The following TEKT1 variants were observed in gnomAD, a reference collection of about 807,000 sequenced individuals.
The protein encoded by TEKT1 is tektin-1.
A neutral mutation model predicts 34.8 loss-of-function variants in TEKT1; 32 were observed. The ratio of observed to expected loss-of-function variants is 0.92; its 90% CI spans 0.69 to 1.23. The LOEUF (loss-of-function observed/expected upper bound fraction) is 1.23. Among genes scored for constraint, TEKT1 ranks in the 50% most tolerant of loss-of-function variants. The pLI, the probability that TEKT1 is intolerant of heterozygous loss-of-function variation, is 0.00. For synonymous variants in TEKT1, 207 were observed against 199.8 expected (o/e 1.04, Z -0.30); for missense variants, 492 against 518.5 (o/e 0.95, Z 0.50).
intron 6 of TEKT1, among the ~76,000 whole-genome samples, chr17:6,810,833 G>T (rs2151584830): frequency 6.6e-6 from 1 of 152,250 alleles, no homozygotes; most frequent in Non-Finnish European, 1.5e-5. Flanking sequence ...CTGTCTCCCA[G>T]GTTCAAGCGA....
chr17:6,812,647 G>A (rs1369550839), intron 6 of TEKT1, among the ~76,000 whole-genome samples, 184 bp downstream of exon 6: 5 of 152,168 alleles, frequency 3.3e-5, no homozygotes, highest in African/African-American at 1.2e-4. Context: ...GCAAAGTCCC[G>A]CTCCAGTCCC....
At chr17:6,822,714 T>G (rs942180706) in intron 2 of TEKT1, among the ~76,000 whole-genome samples, 1 of 152,230 alleles carries the variant, frequency 6.6e-6, no homozygotes, top group African/African-American at 2.4e-5. Context: ...TGATAGTGTA[T>G]GTCTTCTTTT....
chr17:6,815,486 G>A (rs534007274), intron 4 of TEKT1, among the ~76,000 whole-genome samples, 180 bp from the exon 5 acceptor site: 4 of 151,226 alleles, frequency 2.6e-5, no homozygotes, highest in East Asian at 3.9e-4. Context: ...ACAAATCAAC[G>A]TAACCAAATG....
At chr17:6,827,009 T>C (rs1255084926) in intron 2 of TEKT1, among the ~76,000 whole-genome samples, 1 of 152,202 alleles carries the variant, frequency 6.6e-6, no homozygotes, top group Admixed American at 6.5e-5. Flanking sequence ...TATCATTTTT[T>C]ATATGAATAT....
intron 3 of TEKT1, among the ~76,000 whole-genome samples, chr17:6,816,995 G>A (rs1049440604): frequency 6.6e-5 from 10 of 151,034 alleles, no homozygotes; most frequent in Non-Finnish European, 1.2e-4. Flanking sequence ...CCCAAGAAGA[G>A]GAAAGTTTTA....
At chr17:6,829,059 G>A (rs1567682984) in intron 2 of TEKT1, among the ~76,000 whole-genome samples, 1 of 152,180 alleles carries the variant, frequency 6.6e-6, no homozygotes. Flanking sequence ...GCTGAGGCAG[G>A]AGAAGCGCTC....
At chr17:6,823,753 C>A (rs893870276) in intron 2 of TEKT1, among the ~76,000 whole-genome samples, 8 of 150,370 alleles carry the variant, frequency 5.3e-5, no homozygotes, top group Non-Finnish European at 1.2e-4. Flanking sequence ...AGCTCTCAGT[C>A]TCTTAGACAT....
intron 6 of TEKT1, among the ~76,000 whole-genome samples, chr17:6,808,272 C>T (rs143619706): frequency 0.034 from 5,121 of 152,256 alleles, 121 homozygotes; most frequent in African/African-American, 0.055. Context: ...AAGCCATGTG[C>T]GGGATATAAT....
chr17:6,817,534 A>T (rs1254125520), intron 3 of TEKT1, among the ~76,000 whole-genome samples: 2 of 152,124 alleles, frequency 1.3e-5, no homozygotes, highest in Non-Finnish European at 2.9e-5. Flanking sequence ...TCAAGTACAG[A>T]TGGGGAAACT....
intron 6 of TEKT1, among the ~76,000 whole-genome samples, chr17:6,804,449 T>G (rs56101474): frequency 0.047 from 7,196 of 152,194 alleles, 229 homozygotes; most frequent in Admixed American, 0.064. Context: ...GAATACCCTT[T>G]ATTTCCTTCT....
intron 2 of TEKT1, among the ~76,000 whole-genome samples, chr17:6,823,815 CTTTTTTTTTTTT>C (rs33937600): frequency 2.6e-5 from 2 of 77,640 alleles, no homozygotes; most frequent in Admixed American, 1.8e-4. Flanking sequence ...AAACCTCATC[CTTTTTTTTTTTT>C]TTTTTTTTTT....
rs181552457 is a variant in TEKT1 at position 6,813,744 on chromosome 17, G to C, written c.630-691C>G. Reference sequence around the variant, plus strand: ...TGATAATGTTTTCTTTCTTGACCTGGTGGTGATATGAGGCTTTGTTCAGTT... The same window carrying C: ...TGATAATGTTTTCTTTCTTGACCTGCTGGTGATATGAGGCTTTGTTCAGTT... On this transcript the variant is annotated intron_variant, in intron 5 of 7. Transcript: ENST00000338694. Among the ~76,000 whole-genome samples, 675 of 152,168 alleles carry C rather than the reference G, an allele frequency of 4.4e-3. 1 individual carries two copies. The highest frequency in any genetic ancestry group is 6.3e-3 in the Admixed American group (97 of 15,292).
intron 2 of TEKT1, among the ~76,000 whole-genome samples, chr17:6,824,544 T>C (rs372683150): frequency 1.3e-5 from 2 of 152,330 alleles, no homozygotes; most frequent in African/African-American, 4.8e-5. Flanking sequence ...AATTCATTCA[T>C]AAATCCAACA....
rs1268806636 is a variant in TEKT1, at chr17:6,799,185, A to G, written c.*842T>C. 6.6e-6 allele frequency: 1 copy of G among 152,248 alleles called. No individual in the cohort carries two copies. The highest frequency in any genetic ancestry group is 1.5e-5 in the Non-Finnish European group (1 of 68,042). 9.4% of individuals were successfully genotyped at this position (152,248 alleles called of 1,614,324 possible). On this transcript the variant is annotated 3_prime_UTR_variant, in exon 8 of 8. Coordinates refer to ENST00000338694, the MANE Select transcript of TEKT1 (RefSeq NM_053285.2). ...AAGTTGAACTCTTTTTGGAAAAGAA[A>G]CAGTAAGTATATAAAACAGTCTTGC...
Position 6,811,239 on chromosome 17 carries a change from C to T in TEKT1, c.852+1592G>A, listed in dbSNP as rs1347998678. Among the ~76,000 whole-genome samples, 1 of 152,020 alleles carries T rather than the reference C, an allele frequency of 6.6e-6. No individual in the cohort carries two copies. The highest frequency in any genetic ancestry group is 2.4e-5 in the African/African-American group (1 of 41,392). ...ATTCCTTGGCTATCATCATCATCATCATCATCATCAATCAACTATTTTTAT... is the reference window on the plus strand; with the variant it reads ...ATTCCTTGGCTATCATCATCATCATTATCATCATCAATCAACTATTTTTAT... On this transcript the variant is annotated intron_variant, in intron 6 of 7. Coordinates refer to ENST00000338694, the MANE Select transcript of TEKT1 (RefSeq NM_053285.2). The surrounding 1 kb of genome is among the most constrained non-coding windows in gnomAD (Gnocchi z 4.4).
chr17:6,819,215 T>G lies in TEKT1; in HGVS notation c.334A>C (p.Thr112Pro). 1 of 1,613,718 alleles carries G rather than the reference T, an allele frequency of 6.2e-7. No homozygotes were observed. The highest frequency in any genetic ancestry group is 1.1e-5 in the South Asian group (1 of 90,948). The change falls in exon 3 of 8, where the codon ACT becomes CCT. Residue 112 changes from threonine to proline, a missense_variant. Transcript: ENST00000338694. ...TACCTGTATGCCAGGCATGTCTCAG[T>G]GATGTGCAAGGGCTCTTTCAAGGTC... ...LETLKEPLHI[T>P]ETCLAYREKR...
At chr17:6,804,943 G>A (rs1976824857) in intron 6 of TEKT1, among the ~76,000 whole-genome samples, 1 of 152,120 alleles carries the variant, frequency 6.6e-6, no homozygotes, top group African/African-American at 2.4e-5. Context: ...TTGTGTCTCT[G>A]CCTGGCTTTG....
chr17:6,814,989 C>T (rs1056280462), intron 5 of TEKT1, 174 bp downstream of exon 5: 6 of 701,068 alleles, frequency 8.6e-6, no homozygotes, highest in Non-Finnish European at 1.4e-5. Flanking sequence ...GTGAGCCTAA[C>T]CTGGAGAATC....
chr17:6,820,476 C>G (rs1199324778), intron 2 of TEKT1, among the ~76,000 whole-genome samples: 2 of 151,522 alleles, frequency 1.3e-5, no homozygotes, highest in South Asian at 2.1e-4. Context: ...TAAGCTGACT[C>G]TGTTTTAAAA....
Sources: allele counts gnomAD v4.1 joint callset (sites outside exome capture counted in the v4.1 genomes callset), GRCh38; gene constraint gnomAD v4.1.1; non-coding constraint Gnocchi (gnomAD v3.1); transcripts MANE v1.5; gene names NCBI Gene and HGNC (gene_info 2026-07-23, HGNC 2026-07-21).